Variants in KLHL2 observed in about 807,000 individuals in gnomAD.
KLHL2 encodes kelch-like protein 2.
KLHL2 carries 15 observed loss-of-function variants against 75.8 expected under a neutral mutation model. That is an observed-to-expected ratio of 0.20 (90% CI 0.13 to 0.30). The LOEUF is 0.30. Ranked by LOEUF, KLHL2 falls within the 10% of genes least tolerant of loss-of-function variation. The pLI, the probability that KLHL2 is intolerant of heterozygous loss-of-function variation, is 1.00. For missense variants in KLHL2, 381 were observed against 741.0 expected, an observed-to-expected ratio of 0.51 and a Z score of 5.64; for synonymous variants, 214 against 251.9, an observed-to-expected ratio of 0.85 and a Z score of 1.42.
chr4:165,317,860 TGGAGG>T lies in KLHL2; in HGVS notation c.1648_1652del (p.Gly550Ter), dbSNP rs1746697550. 1 of 1,613,694 alleles carries T rather than the reference TGGAGG, an allele frequency of 6.2e-7. No individual in the cohort carries two copies. Among genetic ancestry groups the T allele is most frequent in the African/African-American group, 1.3e-5 (1 of 74,924 alleles). ...CAGTTAATGGTCTGTTATATGTTGT[TGGAGG>T]GGATGATGGTTCCTGTAACTTGGCG... is the stretch of plus-strand genomic sequence containing the variant. On this transcript the variant is annotated frameshift_variant, in exon 14 of 15. Transcript: ENST00000226725. LOFTEE classifies it high-confidence loss of function.
intron 4 of KLHL2, among the ~76,000 whole-genome samples, chr4:165,261,493 A>G (rs1344209358): frequency 6.6e-6 from 1 of 152,120 alleles, no homozygotes; most frequent in African/African-American, 2.4e-5. Context: ...GGTGTGTGCC[A>G]CTACACCCAG....
chr4:165,278,764 T>C, intron 5 of KLHL2: 1 of 1,572,216 alleles, frequency 6.4e-7, no homozygotes, highest in African/African-American at 1.3e-5. Context: ...GATCAGAAAA[T>C]ACACACTTAT....
At chr4:165,264,269 T>A (rs1352603090) in intron 5 of KLHL2, among the ~76,000 whole-genome samples, 1 of 151,988 alleles carries the variant, frequency 6.6e-6, no homozygotes, top group African/African-American at 2.4e-5. Flanking sequence ...TTTGGTTACA[T>A]GAATGACTTG....
intron 1 of KLHL2, chr4:165,209,417 AAC>A (rs1737055960): frequency 6.6e-6 from 1 of 152,208 alleles, no homozygotes; most frequent in Non-Finnish European, 1.5e-5. Context: ...TTACTTTTGG[AAC>A]AGAGGGAGCT....
intron 5 of KLHL2, among the ~76,000 whole-genome samples, chr4:165,264,925 A>T (rs1379620657): frequency 6.6e-6 from 1 of 150,802 alleles, no homozygotes; most frequent in Non-Finnish European, 1.5e-5. Flanking sequence ...GCTGGATTGG[A>T]TTTTAATTTC....
chr4:165,317,999 T>C (rs780364502), intron 14 of KLHL2, 30 bp downstream of exon 14: 12 of 1,600,960 alleles, frequency 7.5e-6, no homozygotes, highest in Non-Finnish European at 1.0e-5. Context: ...TCAATTTCCG[T>C]ACAAAAAGAT....
intron 6 of KLHL2, among the ~76,000 whole-genome samples, chr4:165,297,304 A>G (rs1175657864): frequency 6.6e-6 from 1 of 152,204 alleles, no homozygotes; most frequent in African/African-American, 2.4e-5. Flanking sequence ...TGTATGGTCT[A>G]ACATTTGTTT....
rs541493755 is a variant in KLHL2, at chr4:165,306,812, G to A, written c.1039+1087G>A. On this transcript the variant is annotated intron_variant, in intron 9 of 14. Coordinates refer to ENST00000226725, the MANE Select transcript of KLHL2 (RefSeq NM_007246.4). ...CCTTTTTGTCTGTGATATGTAGTGT[G>A]AATACTTATTTGTATTAATCTTTTA... Among the ~76,000 whole-genome samples, 16 of 152,280 alleles carry A rather than the reference G, an allele frequency of 1.1e-4. No individual in the cohort carries two copies. The South Asian group carries it at 3.1e-3, about 30-fold the overall frequency.
At chr4:165,275,866 A>T (rs896112497) in intron 5 of KLHL2, among the ~76,000 whole-genome samples, 2 of 152,130 alleles carry the variant, frequency 1.3e-5, no homozygotes, top group African/African-American at 4.8e-5. Flanking sequence ...CACACCTGCA[A>T]TCCCAGCACT....
chr4:165,294,034 G>T (rs984169353), intron 5 of KLHL2, among the ~76,000 whole-genome samples: 6 of 152,078 alleles, frequency 3.9e-5, no homozygotes, highest in African/African-American at 1.4e-4. Flanking sequence ...AGTACTGATG[G>T]TGTCATACCA....
chr4:165,302,158 G>A (rs1358534777), intron 8 of KLHL2, among the ~76,000 whole-genome samples: 1 of 152,130 alleles, frequency 6.6e-6, no homozygotes, highest in Non-Finnish European at 1.5e-5. Flanking sequence ...ATAGCAGTGA[G>A]CAGCCCTGTT....
At chr4:165,299,755 T>C in intron 8 of KLHL2, 99 bp downstream of exon 8, 1 of 1,109,910 alleles carries the variant, frequency 9.0e-7, no homozygotes, top group Non-Finnish European at 1.3e-6. Context: ...ATTTATTGTT[T>C]TAGTTTTCCT....
rs1397181928 is a variant in KLHL2, at chr4:165,312,964, A to ATATAATGAG, written c.1340-272_1340-264dup. Reference sequence around the variant, plus strand: ...ACTTATCAAATAGTGTTACCTAAAGATATAATGAGTGTGCTATTTTATCAG... The same window carrying ATATAATGAG: ...ACTTATCAAATAGTGTTACCTAAAGATATAATGAGTATAATGAGTGTGCTATTTTATCAG... On this transcript the variant is annotated intron_variant, in intron 11 of 14. Transcript: ENST00000226725. Among the ~76,000 whole-genome samples, 21 of 152,192 alleles carry ATATAATGAG rather than the reference A, an allele frequency of 1.4e-4. No individual in the cohort carries two copies. The East Asian group carries it at 3.7e-3, about 26-fold the overall frequency.
intron 2 of KLHL2, 99 bp downstream of exon 2, chr4:165,220,158 C>A: frequency 6.6e-7 from 1 of 1,510,970 alleles, no homozygotes; most frequent in Non-Finnish European, 8.8e-7. Context: ...GTTGCTTTGT[C>A]TGGTACACAG....
rs189163851 is a variant in KLHL2 at position 165,320,271 on chromosome 4, T to C, written c.1754-1761T>C. On this transcript the variant is annotated intron_variant, in intron 14 of 14. Coordinates refer to ENST00000226725, the MANE Select transcript of KLHL2 (RefSeq NM_007246.4). ...GGGTTTATGATTTGGACTGCTCTTA[T>C]CTAAAAAGTTGCTAACCCCCAATCC... Among the ~76,000 whole-genome samples the C allele has an allele frequency of 1.2e-3, 190 of 152,334 alleles. 6 individuals carry two copies. The South Asian group carries it at 0.037, about 30-fold the overall frequency.
rs2126604687 is a variant in KLHL2 at position 165,322,889 on chromosome 4, A to G, written c.*829A>G. ...TGTGTATTTTTAATTTTTTTCTTAA[A>G]TTAACACTTTGGCATGAACATTACT... On this transcript the variant is annotated 3_prime_UTR_variant, in exon 15 of 15. Transcript: ENST00000226725. 6.5e-6 allele frequency: 1 copy of G among 152,698 alleles called. No individual in the cohort carries two copies. The highest frequency in any genetic ancestry group is 6.5e-5 in the Admixed American group (1 of 15,290). The allele number at this position is 152,698 out of a possible 1,614,324, so 9.5% of individuals were successfully genotyped here. A position where few individuals can be genotyped will look rare whatever the true frequency, so the allele number is the denominator to read the frequency against.
chr4:165,287,557 C>T (rs558053208), intron 5 of KLHL2, among the ~76,000 whole-genome samples: 21 of 143,504 alleles, frequency 1.5e-4, no homozygotes, highest in African/African-American at 5.1e-4. Context: ...TTTAATTTTT[C>T]GAGTAACCTC....
At chr4:165,285,694 G>A (rs540679453) in intron 5 of KLHL2, among the ~76,000 whole-genome samples, 26 of 152,094 alleles carry the variant, frequency 1.7e-4, no homozygotes, top group Admixed American at 2.6e-4. Context: ...GGCATGAGCC[G>A]CCATGCCTGG....
intron 4 of KLHL2, among the ~76,000 whole-genome samples, chr4:165,245,552 T>C (rs1740193744): frequency 1.3e-5 from 2 of 152,134 alleles, no homozygotes; most frequent in Non-Finnish European, 2.9e-5. Flanking sequence ...ACCCAGGATC[T>C]GGGGCTTGTT....
Sources: allele counts gnomAD v4.1 joint callset (sites outside exome capture counted in the v4.1 genomes callset), GRCh38; gene constraint gnomAD v4.1.1; transcripts MANE v1.5; gene names NCBI Gene and HGNC (gene_info 2026-07-23, HGNC 2026-07-21).